The following HS3ST4 variants were observed in gnomAD, a reference collection of about 807,000 sequenced individuals.
The protein encoded by HS3ST4 is heparan sulfate-glucosamine 3-sulfotransferase 4.
A neutral mutation model predicts 29.2 loss-of-function variants in HS3ST4; 17 were observed. That is an observed-to-expected ratio of 0.58 (90% CI 0.40 to 0.87). The LOEUF (loss-of-function observed/expected upper bound fraction) is 0.87. Ranked by LOEUF, HS3ST4 falls within the 40% of genes least tolerant of loss-of-function variation. The probability of loss-of-function intolerance (pLI) is 0.00; values close to 1 mark genes in which losing one functional copy is unlikely to be tolerated. For synonymous variants in HS3ST4, 314 were observed against 285.7 expected, an observed-to-expected ratio of 1.10 and a Z score of -1.00; for missense variants, 627 against 634.5, an observed-to-expected ratio of 0.99 and a Z score of 0.13.
At chr16:25,884,101 G>A (rs1288475463) in intron 1 of HS3ST4, among the ~76,000 whole-genome samples, 1 of 151,492 alleles carries the variant, frequency 6.6e-6, no homozygotes, top group Non-Finnish European at 1.5e-5. Context: ...TGACAAGAGC[G>A]AGACTCTGTC....
At chr16:25,828,789 G>C (rs1967263730) in intron 1 of HS3ST4, among the ~76,000 whole-genome samples, 2 of 152,202 alleles carry the variant, frequency 1.3e-5, no homozygotes, top group African/African-American at 4.8e-5. Flanking sequence ...GTGTTAGTTT[G>C]CTTAGGGTAA....
Position 26,075,019 on chromosome 16 carries a change from C to A in HS3ST4, c.735-60593C>A, listed in dbSNP as rs527508806. 1.1e-4 allele frequency among the ~76,000 whole-genome samples: 16 copies of A among 152,224 alleles called. No homozygotes were observed. In the South Asian group the frequency reaches 3.3e-3, roughly 32 times the overall value. ...GCCAGCCTGGCTGACATGGTGAAAC[C>A]CTGTCTCTACTAAAAATACAAAAAT... On this transcript the variant is annotated intron_variant, in intron 1 of 1. Transcript: ENST00000331351.
chr16:26,019,393 T>C (rs921339207), intron 1 of HS3ST4, among the ~76,000 whole-genome samples: 1 of 152,266 alleles, frequency 6.6e-6, no homozygotes, highest in African/African-American at 2.4e-5. Context: ...ATATTCTTAT[T>C]AATCCAAGTG....
chr16:25,970,920 G>A (rs113145115), intron 1 of HS3ST4, among the ~76,000 whole-genome samples: 3,111 of 151,788 alleles, frequency 0.02, 118 homozygotes, highest in African/African-American at 0.072. Context: ...GCGTGATCTC[G>A]GCTCACTGCA....
intron 1 of HS3ST4, among the ~76,000 whole-genome samples, chr16:25,878,987 T>G (rs1292317431): frequency 6.6e-6 from 1 of 152,158 alleles, no homozygotes; most frequent in Non-Finnish European, 1.5e-5. Context: ...TTCCTATGCC[T>G]CTTTCTCATA....
At chr16:25,981,630 C>T (rs575178547) in intron 1 of HS3ST4, among the ~76,000 whole-genome samples, 23 of 95,606 alleles carry the variant, frequency 2.4e-4, no homozygotes, top group African/African-American at 9.2e-4. Context: ...TTTTTTTAGA[C>T]GGAATCTAGC....
At chr16:25,701,065 G>A (rs1966331168) in intron 1 of HS3ST4, among the ~76,000 whole-genome samples, 1 of 152,198 alleles carries the variant, frequency 6.6e-6, no homozygotes, top group African/African-American at 2.4e-5. Context: ...ACTGGATCCA[G>A]GGGCTCAAAT....
chr16:25,928,690 C>G (rs1277317256), intron 1 of HS3ST4, among the ~76,000 whole-genome samples: 1 of 152,148 alleles, frequency 6.6e-6, no homozygotes, highest in Non-Finnish European at 1.5e-5. Flanking sequence ...TTGAAAGGTT[C>G]TGGGTCCACT....
chr16:25,692,694 GC>G lies in HS3ST4; in HGVS notation c.282del (p.Ser95ArgfsTer55). ...SLLPTPVRLG[A>X]PSQPPAPPPL... Reference sequence around the variant, plus strand: ...GCTGCCTACCCCCGTGCGCCTCGGCGCCCCCTCGCAGCCGCCCGCGCCGCCG... The same window carrying G: ...GCTGCCTACCCCCGTGCGCCTCGGCGCCCCTCGCAGCCGCCCGCGCCGCCG... On this transcript the variant is annotated frameshift_variant, in exon 1 of 2. Coordinates refer to ENST00000331351, the MANE Select transcript of HS3ST4 (RefSeq NM_006040.3). LOFTEE classifies it high-confidence loss of function. The G allele has an allele frequency of 2.4e-6, 3 of 1,227,914 alleles. No homozygotes were observed. Among genetic ancestry groups the G allele is most frequent in the Middle Eastern group, 3.2e-4 (1 of 3,128 alleles). The allele number at this position is 1,227,914 out of a possible 1,614,324, so 76.1% of individuals were successfully genotyped here.
At chr16:25,904,176 ATGGATGG>A (rs1968156525) in intron 1 of HS3ST4, among the ~76,000 whole-genome samples, 1 of 151,294 alleles carries the variant, frequency 6.6e-6, no homozygotes, top group African/African-American at 2.4e-5. Flanking sequence ...GGATGGATGG[ATGGATGG>A]ACGGATGGAC....
chr16:26,131,126 C>T (rs746137317), intron 1 of HS3ST4, among the ~76,000 whole-genome samples: 1 of 152,166 alleles, frequency 6.6e-6, no homozygotes, highest in South Asian at 2.1e-4. Context: ...TTAAAATCTA[C>T]TCCTATTCTG....
chr16:25,858,874 T>TA lies in HS3ST4; in HGVS notation c.734+165724dup, dbSNP rs534012524. ...ACTTTGTATGTGTCCTTCCTTTTTT[T>TA]ATCTGGTTTCTCTGAGTGTAATTTC... On this transcript the variant is annotated intron_variant, in intron 1 of 1. Transcript: ENST00000331351. 1.5e-4 allele frequency among the ~76,000 whole-genome samples: 23 copies of TA among 152,268 alleles called. No individual in the cohort carries two copies. In the South Asian group the frequency reaches 3.5e-3, roughly 23 times the overall value.
chr16:25,810,036 TG>T (rs1967027177), intron 1 of HS3ST4, among the ~76,000 whole-genome samples: 1 of 152,144 alleles, frequency 6.6e-6, no homozygotes, highest in African/African-American at 2.4e-5. Flanking sequence ...CTTCTTCATC[TG>T]GTTTCTTGAG....
At chr16:26,094,138 T>C (rs1303204900) in intron 1 of HS3ST4, among the ~76,000 whole-genome samples, 1 of 152,188 alleles carries the variant, frequency 6.6e-6, no homozygotes, top group Non-Finnish European at 1.5e-5. Context: ...CTACGTTTGA[T>C]TGGTGTACCT....
chr16:25,750,242 C>G (rs1966710364), intron 1 of HS3ST4, among the ~76,000 whole-genome samples: 1 of 152,148 alleles, frequency 6.6e-6, no homozygotes. Context: ...AGCATGGAGA[C>G]CTCAGAGTAG....
At chr16:26,081,103 A>G (rs532795210) in intron 1 of HS3ST4, among the ~76,000 whole-genome samples, 2 of 152,214 alleles carry the variant, frequency 1.3e-5, no homozygotes, top group East Asian at 3.9e-4. Flanking sequence ...CCTGGACAAC[A>G]TGGTGAGACC....
At chr16:25,980,243 G>C (rs371257085) in intron 1 of HS3ST4, among the ~76,000 whole-genome samples, 1 of 152,150 alleles carries the variant, frequency 6.6e-6, no homozygotes, top group African/African-American at 2.4e-5. Context: ...AACATGTACT[G>C]TGAATAATAG....
chr16:25,856,024 T>C (rs1035625779), intron 1 of HS3ST4, among the ~76,000 whole-genome samples: 1 of 152,084 alleles, frequency 6.6e-6, no homozygotes, highest in African/African-American at 2.4e-5. Flanking sequence ...TGGGCATACC[T>C]GGGTGTTTTC....
intron 1 of HS3ST4, among the ~76,000 whole-genome samples, chr16:25,893,669 A>G (rs1009313837): frequency 6.6e-6 from 1 of 152,226 alleles, no homozygotes; most frequent in African/African-American, 2.4e-5. Context: ...TCATATACCT[A>G]CGTTTAGAGC....
Sources: gnomAD v4.1 joint callset for allele counts (sites outside exome capture counted in the v4.1 genomes callset) on GRCh38, gnomAD v4.1.1 for gene constraint, MANE v1.5 for transcripts, NCBI Gene and HGNC (gene_info 2026-07-23, HGNC 2026-07-21) for gene names.